The following CTNNA3 variants were observed in gnomAD, a reference collection of about 807,000 sequenced individuals.
CTNNA3 encodes the protein catenin alpha-3.
Under a neutral mutation model 95.7 loss-of-function variants are expected in CTNNA3, and 76 were observed. The ratio of observed to expected loss-of-function variants is 0.79; its 90% CI spans 0.66 to 0.96. The LOEUF (loss-of-function observed/expected upper bound fraction) is 0.96, where lower values mean the gene tolerates loss of function less well. Among genes scored for constraint, CTNNA3 ranks in the 40% least tolerant of loss-of-function variants. The pLI is 0.00. For missense variants in CTNNA3, 1,191 were observed against 1,089.8 expected (o/e 1.09, Z -1.31); for synonymous variants, 431 against 374.4 (o/e 1.15, Z -1.74).
chr10:67,301,893 C>T (rs931894556), intron 5 of CTNNA3, among the ~76,000 whole-genome samples: 3 of 151,574 alleles, frequency 2.0e-5, no homozygotes, highest in Admixed American at 6.6e-5. Context: ...GGCGTGAACC[C>T]GGGAGGCGGA....
intron 9 of CTNNA3, among the ~76,000 whole-genome samples, chr10:66,681,812 T>G (rs1564614828): frequency 2.0e-5 from 3 of 152,232 alleles, no homozygotes; most frequent in Admixed American, 2.0e-4. Context: ...ATTTTTTCTT[T>G]TCATGTATAC....
At chr10:67,570,534 T>C (rs893307939) in intron 3 of CTNNA3, among the ~76,000 whole-genome samples, 1 of 152,186 alleles carries the variant, frequency 6.6e-6, no homozygotes, top group Non-Finnish European at 1.5e-5. Context: ...TTGAAACTGT[T>C]CATTTCTTCC....
intron 5 of CTNNA3, among the ~76,000 whole-genome samples, chr10:67,386,923 C>T (rs1440372197): frequency 6.6e-6 from 1 of 152,190 alleles, no homozygotes; most frequent in Non-Finnish European, 1.5e-5. Flanking sequence ...CAAGTGAAAG[C>T]ACATACAATT....
chr10:67,671,454 A>G (rs1233050519), intron 1 of CTNNA3, among the ~76,000 whole-genome samples: 3 of 151,458 alleles, frequency 2.0e-5, no homozygotes, highest in African/African-American at 7.3e-5. Context: ...GGTGTGCTGC[A>G]CCCATTAACT....
chr10:66,538,125 T>C (rs992114537), intron 10 of CTNNA3, among the ~76,000 whole-genome samples: 5 of 152,148 alleles, frequency 3.3e-5, no homozygotes, highest in Non-Finnish European at 5.9e-5. Context: ...TATGGCCTCA[T>C]TGCCTGAAAA....
chr10:67,218,697 A>T (rs1282336392), intron 6 of CTNNA3, among the ~76,000 whole-genome samples: 1 of 152,218 alleles, frequency 6.6e-6, no homozygotes, highest in Non-Finnish European at 1.5e-5. Context: ...TATTTACAAA[A>T]TTTAGCACTG....
intron 7 of CTNNA3, among the ~76,000 whole-genome samples, chr10:66,844,944 G>A (rs1843193628): frequency 6.6e-6 from 1 of 152,086 alleles, no homozygotes; most frequent in Non-Finnish European, 1.5e-5. Context: ...ATGTTGGGTG[G>A]TATAGAAAGG....
chr10:67,590,503 T>G (rs1800212478), intron 3 of CTNNA3, among the ~76,000 whole-genome samples: 1 of 152,116 alleles, frequency 6.6e-6, no homozygotes, highest in Non-Finnish European at 1.5e-5. Flanking sequence ...TTGTACCAAT[T>G]TACATTCCCA....
chr10:66,156,640 T>A (rs1350349887), intron 13 of CTNNA3, among the ~76,000 whole-genome samples: 1 of 151,486 alleles, frequency 6.6e-6, no homozygotes, highest in African/African-American at 2.4e-5. Flanking sequence ...AAAACAGTAG[T>A]GAACATATAG....
At chr10:66,917,691 T>C (rs1454752619) in intron 7 of CTNNA3, among the ~76,000 whole-genome samples, 6 of 152,230 alleles carry the variant, frequency 3.9e-5, no homozygotes, top group Non-Finnish European at 7.3e-5. Flanking sequence ...CTGATATAAT[T>C]GCCAGGAAGT....
At chr10:66,873,783 C>T (rs970356822) in intron 7 of CTNNA3, among the ~76,000 whole-genome samples, 9 of 152,038 alleles carry the variant, frequency 5.9e-5, no homozygotes, top group Admixed American at 1.3e-4. Flanking sequence ...AAGAGTTAAA[C>T]GTAAGACTTC....
chr10:67,123,812 C>T (rs1859580221), intron 7 of CTNNA3, among the ~76,000 whole-genome samples: 1 of 152,136 alleles, frequency 6.6e-6, no homozygotes, highest in Non-Finnish European at 1.5e-5. Flanking sequence ...CATTAGAATG[C>T]TTTCTTCTTT....
In CTNNA3 at chr10:67,169,527, G is replaced by A. The variant is rs140767057; in HGVS notation, c.1047+10790C>T. On this transcript the variant is annotated intron_variant, in intron 7 of 17. Coordinates refer to ENST00000433211, the MANE Select transcript of CTNNA3 (RefSeq NM_013266.4). ...CAAAGCTGACAAAAAATAACAATTG[G>A]GAAAAGACTCCCTATTCAATAAATG... Among the ~76,000 whole-genome samples the A allele has an allele frequency of 5.0e-3, 756 of 152,178 alleles. 6 individuals are homozygous for A. Among genetic ancestry groups the A allele is most frequent in the African/African-American group, 0.017 (705 of 41,510 alleles).
At chr10:66,083,482 A>G (rs1158621239) in intron 14 of CTNNA3, among the ~76,000 whole-genome samples, 1 of 152,138 alleles carries the variant, frequency 6.6e-6, no homozygotes, top group African/African-American at 2.4e-5. Context: ...CACACTTTCT[A>G]CCTAACATCT....
At chr10:67,361,260 C>T (rs541042175) in intron 5 of CTNNA3, among the ~76,000 whole-genome samples, 1 of 152,256 alleles carries the variant, frequency 6.6e-6, no homozygotes, top group East Asian at 1.9e-4. Flanking sequence ...TTATATTTGA[C>T]ACTTGACCAA....
Position 66,584,415 on chromosome 10 carries a change from C to T in CTNNA3, c.1374+37277G>A, listed in dbSNP as rs569327379. On this transcript the variant is annotated intron_variant, in intron 10 of 17. Transcript: ENST00000433211. ...GTTATATCTTCTTGTTGAATTTATC[C>T]TATTTTAATTACATAATGACCTTCT... Among the ~76,000 whole-genome samples, 4 of 151,930 alleles carry T rather than the reference C, an allele frequency of 2.6e-5. No individual in the cohort carries two copies. In the South Asian group the frequency reaches 8.3e-4, roughly 31 times the overall value.
At chr10:67,600,840 A>C (rs1040384390) in intron 3 of CTNNA3, among the ~76,000 whole-genome samples, 1 of 152,172 alleles carries the variant, frequency 6.6e-6, no homozygotes, top group African/African-American at 2.4e-5. Flanking sequence ...TAGATAAATT[A>C]TGGTTTATTA....
At chr10:67,580,187 G>A (rs1199877095) in intron 3 of CTNNA3, among the ~76,000 whole-genome samples, 1 of 152,092 alleles carries the variant, frequency 6.6e-6, no homozygotes. Flanking sequence ...TATGGTTTTA[G>A]GTCTGACATT....
intron 11 of CTNNA3, among the ~76,000 whole-genome samples, chr10:66,424,346 ACT>A: frequency 6.6e-6 from 1 of 151,886 alleles, no homozygotes. Context: ...TTCTGGATTA[ACT>A]CTGTTGTTCT....
Sources: gnomAD v4.1 joint callset for allele counts (sites outside exome capture counted in the v4.1 genomes callset) on GRCh38, gnomAD v4.1.1 for gene constraint, MANE v1.5 for transcripts, NCBI Gene and HGNC (gene_info 2026-07-23, HGNC 2026-07-21) for gene names.